Variants in MEGF11 observed in about 807,000 individuals in gnomAD.
The protein encoded by MEGF11 is multiple epidermal growth factor-like domains protein 11.
A neutral mutation model predicts 146.6 loss-of-function variants in MEGF11; 126 were observed. The ratio of observed to expected loss-of-function variants is 0.86; its 90% confidence interval spans 0.74 to 1.00. The LOEUF is 1.00. MEGF11 is among the 50% of genes least tolerant of loss of function. The pLI is 0.00. For synonymous variants in MEGF11, 532 were observed against 583.4 expected (o/e 0.91, Z 1.27); for missense variants, 1,509 against 1,521.2 (o/e 0.99, Z 0.13).
chr15:66,061,072 C>A (rs2084888114), intron 5 of MEGF11, among the ~76,000 whole-genome samples: 1 of 152,204 alleles, frequency 6.6e-6, no homozygotes, highest in Non-Finnish European at 1.5e-5. Flanking sequence ...GGAGGAGGAG[C>A]TGGTTACAGA....
intron 5 of MEGF11, among the ~76,000 whole-genome samples, chr15:66,062,934 T>C (rs1890085883): frequency 6.6e-6 from 1 of 152,232 alleles, no homozygotes; most frequent in Admixed American, 6.5e-5. Flanking sequence ...ATTGTTTTTA[T>C]TTGTGAAAGT....
chr15:66,112,347 G>GA (rs1202916179), intron 4 of MEGF11, among the ~76,000 whole-genome samples: 1 of 152,072 alleles, frequency 6.6e-6, no homozygotes, highest in Non-Finnish European at 1.5e-5. Flanking sequence ...TCCTAGAAAT[G>GA]AAAAAAGAAA....
At chr15:66,023,846 C>T (rs980274498) in intron 5 of MEGF11, among the ~76,000 whole-genome samples, 9 of 152,150 alleles carry the variant, frequency 5.9e-5, no homozygotes, top group African/African-American at 1.4e-4. Context: ...ACAGCCCTGC[C>T]GAGAAAGACT....
intron 5 of MEGF11, among the ~76,000 whole-genome samples, chr15:66,074,664 G>GA (rs759714286): frequency 6.6e-6 from 1 of 152,198 alleles, no homozygotes; most frequent in African/African-American, 2.4e-5. Context: ...GGTTGTGGTA[G>GA]AAAAAAGATT....
In MEGF11 at chr15:65,896,694, A is replaced by T. The variant is rs1216920267; in HGVS notation, c.*1240T>A. 1 of 152,264 alleles carries T rather than the reference A, an allele frequency of 6.6e-6. No homozygotes were observed. The allele number at this position is 152,264 out of a possible 1,614,324, so 9.4% of individuals were successfully genotyped here. ...TGTTCATAGTGGAAGGTATAGACACATCTGAATACTGGGATCTGGAGCATT... is the reference window on the plus strand; with the variant it reads ...TGTTCATAGTGGAAGGTATAGACACTTCTGAATACTGGGATCTGGAGCATT... On this transcript the variant is annotated 3_prime_UTR_variant, in exon 26 of 26. Coordinates refer to ENST00000395614, the MANE Select transcript of MEGF11 (RefSeq NM_001385028.1).
intron 5 of MEGF11, among the ~76,000 whole-genome samples, chr15:66,056,681 C>T (rs1329107878): frequency 6.6e-6 from 1 of 152,224 alleles, no homozygotes; most frequent in African/African-American, 2.4e-5. Context: ...AATGAGACCT[C>T]ACCTACCCAG....
intron 5 of MEGF11, among the ~76,000 whole-genome samples, chr15:66,082,109 C>T (rs147009253): frequency 6.6e-6 from 1 of 152,242 alleles, no homozygotes; most frequent in East Asian, 1.9e-4. Flanking sequence ...CTAGCTAAGG[C>T]AACTTCCACC....
At chr15:66,219,719 C>T (rs1021946293) in intron 1 of MEGF11, among the ~76,000 whole-genome samples, 1 of 139,494 alleles carries the variant, frequency 7.2e-6, no homozygotes. Context: ...CAAAAAAAAA[C>T]GTATCTACCA....
chr15:66,088,159 A>G (rs2086186192), intron 5 of MEGF11, among the ~76,000 whole-genome samples: 1 of 152,226 alleles, frequency 6.6e-6, no homozygotes, highest in African/African-American at 2.4e-5. Context: ...ACAAATAACA[A>G]GCAGTGACAT....
At chr15:66,052,219 A>T (rs942489113) in intron 5 of MEGF11, among the ~76,000 whole-genome samples, 8 of 152,018 alleles carry the variant, frequency 5.3e-5, no homozygotes, top group African/African-American at 1.7e-4. Flanking sequence ...ATCACTCCTC[A>T]TTGCTCTCCA....
chr15:65,931,650 A>C (rs2079579292), intron 10 of MEGF11, among the ~76,000 whole-genome samples: 1 of 152,214 alleles, frequency 6.6e-6, no homozygotes, highest in Non-Finnish European at 1.5e-5. Context: ...CAAAGTCTGT[A>C]TTAGGTCGAA....
chr15:66,124,361 T>C (rs951262330), intron 2 of MEGF11, among the ~76,000 whole-genome samples: 1 of 152,340 alleles, frequency 6.6e-6, no homozygotes, highest in East Asian at 1.9e-4. Flanking sequence ...TTCATATCTT[T>C]ATGGTTTTCA....
At chr15:65,919,463 T>C (rs996896532) in intron 15 of MEGF11, among the ~76,000 whole-genome samples, 3 of 152,238 alleles carry the variant, frequency 2.0e-5, no homozygotes, top group African/African-American at 7.2e-5. Flanking sequence ...TACATTATAC[T>C]GTAGTCTATT....
intron 5 of MEGF11, among the ~76,000 whole-genome samples, chr15:66,024,662 A>C (rs1045666612): frequency 1.1e-4 from 17 of 152,270 alleles, no homozygotes; most frequent in Admixed American, 1.1e-3. Context: ...GGTGAAGTAA[A>C]TCACCCAAGG....
chr15:65,971,807 C>G (rs558816964), intron 7 of MEGF11, among the ~76,000 whole-genome samples: 72 of 152,128 alleles, frequency 4.7e-4, no homozygotes, highest in African/African-American at 1.6e-3. Flanking sequence ...TAGGCCCTCA[C>G]ATGAAAGAGA....
At chr15:65,928,159 T>G (rs1225248216) in intron 13 of MEGF11, among the ~76,000 whole-genome samples, 1 of 152,140 alleles carries the variant, frequency 6.6e-6, no homozygotes, top group Non-Finnish European at 1.5e-5. Flanking sequence ...TTCTCTAGAT[T>G]GAGCACTTAC....
chr15:65,931,040 A>G (rs924131380), intron 10 of MEGF11, 97 bp from the exon 11 acceptor site: 3 of 1,351,460 alleles, frequency 2.2e-6, no homozygotes, highest in Admixed American at 5.9e-5. Context: ...CAACATGTCC[A>G]TGTCCTAATC....
intron 5 of MEGF11, among the ~76,000 whole-genome samples, chr15:66,032,972 T>C (rs1015619491): frequency 2.7e-5 from 4 of 150,140 alleles, no homozygotes; most frequent in Non-Finnish European, 5.9e-5. Context: ...TGCCAGCTAC[T>C]CGGGAGGCTG....
At chr15:66,169,131 C>T (rs2090176073) in intron 1 of MEGF11, among the ~76,000 whole-genome samples, 1 of 152,238 alleles carries the variant, frequency 6.6e-6, no homozygotes, top group Non-Finnish European at 1.5e-5. Flanking sequence ...ATGCTGCCTC[C>T]ATCACCCCAG....
Sources: allele counts gnomAD v4.1 joint callset (sites outside exome capture counted in the v4.1 genomes callset), GRCh38; gene constraint gnomAD v4.1.1; transcripts MANE v1.5; gene names NCBI Gene and HGNC (gene_info 2026-07-23, HGNC 2026-07-21).